The following RSPO4 variants were observed in gnomAD, a reference collection of about 807,000 sequenced individuals.
RSPO4 encodes R-spondin 4, also known as R-spondin-4.
Under a neutral mutation model 24.8 loss-of-function variants are expected in RSPO4, and 23 were observed. That is an observed-to-expected ratio of 0.93 (90% confidence interval 0.67 to 1.31). The LOEUF (loss-of-function observed/expected upper bound fraction) is 1.31. Ranked by LOEUF, RSPO4 falls within the 40% of genes most tolerant of loss-of-function variation. RSPO4 has a pLI of 0.00. For synonymous variants in RSPO4, 141 were observed against 127.4 expected, an observed-to-expected ratio of 1.11 and a Z score of -0.72; for missense variants, 333 against 316.5, an observed-to-expected ratio of 1.05 and a Z score of -0.39.
At chr20:1,000,239 T>C (rs1348258067) in intron 1 of RSPO4, among the ~76,000 whole-genome samples, 1 of 152,142 alleles carries the variant, frequency 6.6e-6, no homozygotes. Flanking sequence ...TCAGAAGATA[T>C]CTTCTCAGCA....
chr20:1,000,805 C>T (rs1985436521), intron 1 of RSPO4, among the ~76,000 whole-genome samples: 1 of 152,274 alleles, frequency 6.6e-6, no homozygotes, highest in South Asian at 2.1e-4. Context: ...AACCACACGC[C>T]TCTCTAGTCC....
chr20:996,505 C>A (rs1185496640), intron 1 of RSPO4, among the ~76,000 whole-genome samples: 1 of 152,198 alleles, frequency 6.6e-6, no homozygotes, highest in African/African-American at 2.4e-5. Flanking sequence ...GAGGTGCAGC[C>A]TCAGAGGTCT....
At chr20:999,859 G>C (rs905641723) in intron 1 of RSPO4, among the ~76,000 whole-genome samples, 1 of 151,926 alleles carries the variant, frequency 6.6e-6, no homozygotes, top group African/African-American at 2.4e-5. Flanking sequence ...TTCTAAACCA[G>C]CTCCTTTTTG....
At chr20:997,698 A>C (rs1985338871) in intron 1 of RSPO4, among the ~76,000 whole-genome samples, 1 of 152,240 alleles carries the variant, frequency 6.6e-6, no homozygotes, top group African/African-American at 2.4e-5. Flanking sequence ...TACAGGAGAC[A>C]GTGCTGTCTG....
chr20:990,862 C>T (rs920979886), intron 1 of RSPO4, among the ~76,000 whole-genome samples: 1 of 152,166 alleles, frequency 6.6e-6, no homozygotes, highest in African/African-American at 2.4e-5. Flanking sequence ...AAGGGGACCC[C>T]AAGGACAGGG....
chr20:966,873 GCAAA>G (rs955538494), intron 3 of RSPO4, among the ~76,000 whole-genome samples: 6 of 142,588 alleles, frequency 4.2e-5, no homozygotes, highest in Admixed American at 1.4e-4. Context: ...AAGCAAACAA[GCAAA>G]CAAACAAACA....
Position 963,948 on chromosome 20 carries a change from C to A in RSPO4, c.582G>T (p.Arg194Ser), listed in dbSNP as rs1161920410. ...LSESRKCPIQ[R>S]PCPGERSPGQ... ...CCTGGGGCTCACCTCCTGGGCAGGG[C>A]CTCTGGATGGGACATTTCCTTGACT... Residue 194 changes from arginine (R) to serine (S), a missense_variant, in exon 4 of 5, where the codon AGG (arginine) becomes AGT (serine). Physicochemically the swap from Arg to Ser is moderately radical, Grantham distance 110 (BLOSUM62 -1). Transcript: ENST00000217260. 1.2e-6 allele frequency: 2 copies of A among 1,613,744 alleles called. No individual in the cohort carries two copies. The highest frequency in any genetic ancestry group is 1.3e-5 in the African/African-American group (1 of 74,932).
At chr20:985,311 AC>A (rs896733819) in intron 1 of RSPO4, among the ~76,000 whole-genome samples, 7 of 149,778 alleles carry the variant, frequency 4.7e-5, no homozygotes, top group Admixed American at 4.6e-4. Flanking sequence ...CCATCTATCC[AC>A]CCACCCACCC....
chr20:969,313 T>A (rs1984335813), intron 1 of RSPO4, among the ~76,000 whole-genome samples: 1 of 152,102 alleles, frequency 6.6e-6, no homozygotes. Flanking sequence ...ATGTTTCCAA[T>A]AAAGAAGAAA....
At chr20:989,058 T>G (rs547172491) in intron 1 of RSPO4, among the ~76,000 whole-genome samples, 3 of 152,312 alleles carry the variant, frequency 2.0e-5, no homozygotes, top group South Asian at 4.1e-4. Flanking sequence ...TTAAGCAGAC[T>G]GCATACCCTC....
chr20:969,779 C>A (rs1001528355), intron 1 of RSPO4, among the ~76,000 whole-genome samples: 2 of 152,034 alleles, frequency 1.3e-5, no homozygotes, highest in African/African-American at 4.8e-5. Flanking sequence ...CAGAAAATGA[C>A]CAGGTGTCAC....
intron 1 of RSPO4, among the ~76,000 whole-genome samples, chr20:984,020 C>G (rs1281128455): frequency 1.3e-5 from 2 of 152,102 alleles, no homozygotes; most frequent in South Asian, 4.1e-4. Context: ...ACCCTCCTCA[C>G]CTTACATAAT....
intron 4 of RSPO4, among the ~76,000 whole-genome samples, chr20:962,699 G>A (rs745860584): frequency 2.6e-5 from 4 of 152,184 alleles, no homozygotes; most frequent in Non-Finnish European, 5.9e-5. Flanking sequence ...TCTGAAAGAG[G>A]AGTGTCCCTG....
At chr20:992,014 T>G (rs1600100732) in intron 1 of RSPO4, among the ~76,000 whole-genome samples, 4 of 144,462 alleles carry the variant, frequency 2.8e-5, no homozygotes, top group Non-Finnish European at 3.1e-5. Context: ...ATGACGGGGG[T>G]GGTGTAGGGA....
intron 1 of RSPO4, among the ~76,000 whole-genome samples, chr20:969,765 G>T (rs998684495): frequency 6.6e-6 from 1 of 152,158 alleles, no homozygotes; most frequent in Non-Finnish European, 1.5e-5. Context: ...AGGTGGGGGA[G>T]AGTCAGAAAA....
chr20:964,962 C>A (rs1023953622), intron 3 of RSPO4, among the ~76,000 whole-genome samples: 1 of 151,980 alleles, frequency 6.6e-6, no homozygotes, highest in Admixed American at 6.6e-5. Context: ...GCTAAGGGAA[C>A]GCAGCAAGAG....
chr20:960,014 G>T lies in RSPO4; in HGVS notation c.*343C>A. 2.6e-6 allele frequency: 1 copy of T among 387,368 alleles called. No homozygotes were observed. Among genetic ancestry groups the T allele is most frequent in the Non-Finnish European group, 4.8e-6 (1 of 208,750 alleles). 24.0% of individuals were successfully genotyped at this position (387,368 alleles called of 1,614,324 possible). A position where few individuals can be genotyped will look rare whatever the true frequency, so the allele number is the denominator to read the frequency against. ...GCTCATGGTCCCTCTTAAAGTGTGT[G>T]TGAGAGGGAGACAAGAGGAGGGAGA... On this transcript the variant is annotated 3_prime_UTR_variant, in exon 5 of 5. Coordinates refer to ENST00000217260, the MANE Select transcript of RSPO4 (RefSeq NM_001029871.4).
At chr20:987,668 A>G (rs1052763344) in intron 1 of RSPO4, among the ~76,000 whole-genome samples, 5 of 151,872 alleles carry the variant, frequency 3.3e-5, no homozygotes, top group Non-Finnish European at 5.9e-5. Flanking sequence ...ATGCGTGCCT[A>G]TAGTCCCAGC....
intron 1 of RSPO4, among the ~76,000 whole-genome samples, chr20:978,143 G>C (rs6056379): frequency 2.0e-5 from 3 of 152,140 alleles, no homozygotes; most frequent in African/African-American, 7.2e-5. Flanking sequence ...GGAGGTGGGG[G>C]GACCAGCAGG....
Sources: gnomAD v4.1 joint callset for allele counts (sites outside exome capture counted in the v4.1 genomes callset) on GRCh38, gnomAD v4.1.1 for gene constraint, MANE v1.5 for transcripts, NCBI Gene and HGNC (gene_info 2026-07-23, HGNC 2026-07-21) for gene names.